The following ERBB4 variants were observed in gnomAD, a reference collection of about 807,000 sequenced individuals.
ERBB4 encodes the protein receptor tyrosine-protein kinase erbB-4.
In ERBB4, 42 loss-of-function variants were observed where a neutral mutation model predicts 158.0. The observed-to-expected ratio is 0.27, with a 90% CI of 0.21 to 0.34. The LOEUF is 0.34. Ranked by LOEUF, ERBB4 falls within the 10% of genes least tolerant of loss-of-function variation. ERBB4 has a pLI of 1.00. For missense variants in ERBB4, 1,333 were observed against 1,624.1 expected, an observed-to-expected ratio of 0.82 and a Z score of 3.08; for synonymous variants, 583 against 558.7, an observed-to-expected ratio of 1.04 and a Z score of -0.61.
chr2:211,658,883 A>G (rs1041467499), intron 15 of ERBB4, among the ~76,000 whole-genome samples: 4 of 152,142 alleles, frequency 2.6e-5, no homozygotes, highest in Non-Finnish European at 5.9e-5. Context: ...TCATCTTCCA[A>G]TATACTCGAA....
At chr2:212,009,832 C>T (rs376443597) in intron 2 of ERBB4, among the ~76,000 whole-genome samples, 27 of 152,140 alleles carry the variant, frequency 1.8e-4, no homozygotes, top group East Asian at 1.2e-3. Context: ...CTAAATGTCC[C>T]GGACATTTGT....
At chr2:212,343,137 G>A (rs2088804892) in intron 1 of ERBB4, among the ~76,000 whole-genome samples, 1 of 152,084 alleles carries the variant, frequency 6.6e-6, no homozygotes, top group Non-Finnish European at 1.5e-5. Context: ...TTTAACAACT[G>A]TATATGCCTT....
At chr2:212,410,679 C>T (rs964376767) in intron 1 of ERBB4, among the ~76,000 whole-genome samples, 2 of 151,894 alleles carry the variant, frequency 1.3e-5, no homozygotes, top group African/African-American at 4.8e-5. Flanking sequence ...GGTATATATT[C>T]GCTTAAAAAC....
chr2:212,499,222 C>T (rs1311069880), intron 1 of ERBB4, among the ~76,000 whole-genome samples: 1 of 151,928 alleles, frequency 6.6e-6, no homozygotes, highest in African/African-American at 2.4e-5. Context: ...ACTCTACAGT[C>T]TAAAACGGGA....
intron 12 of ERBB4, among the ~76,000 whole-genome samples, chr2:211,685,127 A>C (rs535841519): frequency 6.6e-6 from 1 of 152,316 alleles, no homozygotes; most frequent in East Asian, 1.9e-4. Flanking sequence ...AATGTTTTTA[A>C]TTTTGATGAA....
chr2:211,789,165 C>T (rs1434222650), intron 3 of ERBB4, among the ~76,000 whole-genome samples: 1 of 152,092 alleles, frequency 6.6e-6, no homozygotes, highest in Non-Finnish European at 1.5e-5. Context: ...CCAATATGTA[C>T]CACATTTCCC....
At chr2:212,169,744 G>A (rs548521677) in intron 1 of ERBB4, among the ~76,000 whole-genome samples, 2 of 152,214 alleles carry the variant, frequency 1.3e-5, no homozygotes, top group South Asian at 2.1e-4. Flanking sequence ...TCCCCATGCT[G>A]TTCTTGTCAT....
intron 20 of ERBB4, among the ~76,000 whole-genome samples, chr2:211,487,884 C>T (rs1387415622): frequency 1.3e-5 from 2 of 152,036 alleles, no homozygotes; most frequent in African/African-American, 4.8e-5. Flanking sequence ...GTGTGTTGGA[C>T]ACTGAAGGCC....
chr2:212,143,829 A>T (rs1182393594), intron 1 of ERBB4, among the ~76,000 whole-genome samples: 2 of 151,982 alleles, frequency 1.3e-5, no homozygotes, highest in East Asian at 3.9e-4. Context: ...TAGCTTGGCC[A>T]ATATGGTGAA....
intron 2 of ERBB4, among the ~76,000 whole-genome samples, chr2:212,052,232 A>T (rs1468795278): frequency 6.6e-6 from 1 of 151,938 alleles, no homozygotes; most frequent in Admixed American, 6.6e-5. Context: ...CAAACATCAG[A>T]CTCCTAGCTC....
chr2:211,925,927 C>A (rs2080009419), intron 3 of ERBB4, among the ~76,000 whole-genome samples: 1 of 152,048 alleles, frequency 6.6e-6, no homozygotes, highest in Admixed American at 6.6e-5. Flanking sequence ...TAACTCTACT[C>A]CCTTGCCCCA....
intron 1 of ERBB4, among the ~76,000 whole-genome samples, chr2:212,391,409 A>G (rs891386113): frequency 1.3e-5 from 2 of 151,186 alleles, no homozygotes; most frequent in African/African-American, 4.8e-5. Context: ...TGTTTAATAT[A>G]TTTGCTTAAT....
chr2:211,841,968 T>G (rs2077479758), intron 3 of ERBB4, among the ~76,000 whole-genome samples: 1 of 151,888 alleles, frequency 6.6e-6, no homozygotes, highest in Non-Finnish European at 1.5e-5. Flanking sequence ...GTTTCAATAA[T>G]TTTTTTTCAA....
chr2:212,119,866 G>T (rs1292424895), intron 2 of ERBB4, among the ~76,000 whole-genome samples: 1 of 152,148 alleles, frequency 6.6e-6, no homozygotes, highest in Non-Finnish European at 1.5e-5. Context: ...ATTAAGGAAA[G>T]TATCTACAAA....
intron 1 of ERBB4, among the ~76,000 whole-genome samples, chr2:212,217,526 A>G (rs921229726): frequency 5.3e-5 from 8 of 151,280 alleles, no homozygotes; most frequent in African/African-American, 1.9e-4. Context: ...TAGTATAAGA[A>G]GCTATGTCTC....
chr2:211,541,207 C>G (rs1394736705), intron 20 of ERBB4, among the ~76,000 whole-genome samples: 1 of 151,900 alleles, frequency 6.6e-6, no homozygotes, highest in African/African-American at 2.4e-5. Flanking sequence ...GCTATTTCCT[C>G]ATAGAGCTTT....
intron 1 of ERBB4, among the ~76,000 whole-genome samples, chr2:212,268,281 A>C (rs896895026): frequency 2.0e-5 from 3 of 151,880 alleles, no homozygotes; most frequent in Non-Finnish European, 4.4e-5. Context: ...TGATTTAATG[A>C]GATAGAAATG....
At chr2:212,012,204 T>C (rs1181983621) in intron 2 of ERBB4, among the ~76,000 whole-genome samples, 3 of 152,204 alleles carry the variant, frequency 2.0e-5, no homozygotes, top group Admixed American at 1.3e-4. Context: ...CAGAAGCTTT[T>C]GATAACATTT....
At chr2:212,528,348 C>T (rs533374524) in intron 1 of ERBB4, among the ~76,000 whole-genome samples, 1 of 152,212 alleles carries the variant, frequency 6.6e-6, no homozygotes, top group South Asian at 2.1e-4. Context: ...GCTCTCAGGA[C>T]AGGGCAGATA....
Sources: allele counts gnomAD v4.1 joint callset (sites outside exome capture counted in the v4.1 genomes callset), GRCh38; gene constraint gnomAD v4.1.1; transcripts MANE v1.5; gene names NCBI Gene and HGNC (gene_info 2026-07-23, HGNC 2026-07-21).